The following HIVEP3 variants were observed in gnomAD, a reference collection of about 807,000 sequenced individuals.
HIVEP3 encodes the protein transcription factor HIVEP3.
HIVEP3 carries 49 observed loss-of-function variants against 152.8 expected under a neutral mutation model. That is an observed-to-expected ratio of 0.32 (90% CI 0.26 to 0.41). The LOEUF is 0.41. Ranked by LOEUF, HIVEP3 falls within the 10% of genes least tolerant of loss-of-function variation. HIVEP3 has a pLI of 1.00. For missense variants in HIVEP3, 2,790 were observed against 3,103.3 expected (o/e 0.90, Z 2.40); for synonymous variants, 1,269 against 1,289.0 (o/e 0.98, Z 0.33).
chr1:41,987,140 T>C (rs1156555921), intron 1 of HIVEP3, among the ~76,000 whole-genome samples: 1 of 152,182 alleles, frequency 6.6e-6, no homozygotes, highest in African/African-American at 2.4e-5. Context: ...TGAAACAATG[T>C]TTCTGCCCTC....
chr1:42,025,849 C>T (rs936625605), intron 1 of HIVEP3, among the ~76,000 whole-genome samples: 1 of 152,152 alleles, frequency 6.6e-6, no homozygotes, highest in South Asian at 2.1e-4. Context: ...CAGAACAGAT[C>T]GCTTGAACCC....
At chr1:41,586,499 C>A (rs898426799) in intron 3 of HIVEP3, among the ~76,000 whole-genome samples, 3 of 146,100 alleles carry the variant, frequency 2.1e-5, no homozygotes, top group African/African-American at 7.3e-5. Context: ...CTTGGCGAGG[C>A]CCTGGGTGAG....
At position 41,742,559 on chromosome 1, in the gene HIVEP3, A is replaced by G. The variant is rs1434030730; in HGVS notation, c.-800-41564T>C. On this transcript the variant is annotated intron_variant, in intron 1 of 8. Coordinates refer to ENST00000372583, the MANE Select transcript of HIVEP3 (RefSeq NM_024503.5). ...CTCGTGAATACTTATTCCTTGATGAACAGGGTATTCCCCATAAGAGCAGAG... is the reference window on the plus strand; with the variant it reads ...CTCGTGAATACTTATTCCTTGATGAGCAGGGTATTCCCCATAAGAGCAGAG... 4.6e-5 allele frequency among the ~76,000 whole-genome samples: 7 copies of G among 152,374 alleles called. No homozygotes were observed. In the East Asian group the frequency reaches 1.2e-3, roughly 25 times the overall value.
At chr1:41,709,523 T>C (rs768287334) in intron 1 of HIVEP3, among the ~76,000 whole-genome samples, 1 of 152,126 alleles carries the variant, frequency 6.6e-6, no homozygotes, top group East Asian at 1.9e-4. Flanking sequence ...AAAGGCAGTG[T>C]CATTTCCTGA....
chr1:41,529,934 C>T (rs1643193572), intron 5 of HIVEP3, among the ~76,000 whole-genome samples: 1 of 110,292 alleles, frequency 9.1e-6, no homozygotes, highest in Non-Finnish European at 1.9e-5. Context: ...ACCACACGGA[C>T]ATGCACCCCC....
At position 41,581,292 on chromosome 1, in the gene HIVEP3, G is replaced by A. The variant is rs752298905; in HGVS notation, c.3506C>T (p.Ser1169Phe). The change falls in exon 4 of 9, where the codon TCC becomes TTC. Residue 1169 changes from serine to phenylalanine, a missense_variant. By Grantham distance (155) the Ser-to-Phe change is radical (BLOSUM62 -2). This residue lies in a region of HIVEP3 where 1,078 missense variants were observed against 1,165.3 expected (regional missense o/e 0.93). Transcript: ENST00000372583. This position sits in a 1 kb window ranked among gnomAD's most constrained non-coding sequence, Gnocchi z 4.5. The part of the protein sequence containing the change: ...SPEFFSTQAM[S>F]SLLSSPYSMP... ...GGAGTATGGTGAGGACAGGAGGCTGGACATGGCCTGGGTGGAGAAGAATTC... is the reference window on the plus strand; with the variant it reads ...GGAGTATGGTGAGGACAGGAGGCTGAACATGGCCTGGGTGGAGAAGAATTC... 3.0e-5 allele frequency: 49 copies of A among 1,611,794 alleles called. No homozygotes were observed. Among genetic ancestry groups the A allele is most frequent in the Non-Finnish European group, 5.9e-6 (7 of 1,179,018 alleles).
intron 1 of HIVEP3, among the ~76,000 whole-genome samples, chr1:41,926,892 T>A (rs564850922): frequency 6.6e-6 from 1 of 152,132 alleles, no homozygotes. Context: ...CATATGTATA[T>A]CTTTAAGGCT....
chr1:41,576,296 T>C (rs1276909887), intron 4 of HIVEP3, among the ~76,000 whole-genome samples: 3 of 152,166 alleles, frequency 2.0e-5, no homozygotes, highest in African/African-American at 4.8e-5. Flanking sequence ...AATTCCACCA[T>C]AGAGACAGGC....
intron 2 of HIVEP3, among the ~76,000 whole-genome samples, chr1:41,659,645 C>T (rs1441990562): frequency 6.6e-6 from 1 of 152,234 alleles, no homozygotes; most frequent in Non-Finnish European, 1.5e-5. Flanking sequence ...TCCTTGCCCT[C>T]ACAGTGCTTT....
rs1236549034 is a variant in HIVEP3, at chr1:41,662,287, C to A, written c.-720-33340G>T. On this transcript the variant is annotated intron_variant, in intron 2 of 8. Coordinates refer to ENST00000372583, the MANE Select transcript of HIVEP3 (RefSeq NM_024503.5). The surrounding 1 kb of genome is among the most constrained non-coding windows in gnomAD (Gnocchi z 7.2). The stretch of plus-strand genomic sequence containing the variant: ...TCCGCCCGGCGGTGCCCCAGGCGCT[C>A]GCTGGCGGCCCACGCGGCGCGGGGT... The A allele has an allele frequency of 2.1e-5, 3 of 145,256 alleles. No homozygotes were observed. Among genetic ancestry groups the A allele is most frequent in the African/African-American group, 7.4e-5 (3 of 40,750 alleles). 9.0% of individuals were successfully genotyped at this position (145,256 alleles called of 1,614,324 possible).
At chr1:41,730,933 C>A (rs1054954516) in intron 1 of HIVEP3, among the ~76,000 whole-genome samples, 37 of 152,078 alleles carry the variant, frequency 2.4e-4, no homozygotes, top group African/African-American at 6.5e-4. Context: ...GGAGCAAGGA[C>A]GCAACTCCCA....
intron 5 of HIVEP3, chr1:41,542,001 G>A (rs1643541511): frequency 6.6e-6 from 1 of 152,238 alleles, no homozygotes; most frequent in Non-Finnish European, 1.5e-5. Context: ...TTATGTGCTT[G>A]GAAGAGTGCC....
In HIVEP3 at chr1:41,511,384, G is replaced by A. The variant is rs80308195; in HGVS notation, c.6406-118C>T. The A allele has an allele frequency of 8.0e-4, 768 of 958,858 alleles. 8 individuals carry two copies. The African/African-American group carries it at 9.4e-3, about 12-fold the overall frequency. The allele number at this position is 958,858 out of a possible 1,614,324, so 59.4% of individuals were successfully genotyped here. ...GATCACAGAGCGAGTCCAGGGTCCC[G>A]GCTGAGCTGAGCCCAGAACCAAGTT... On this transcript the variant is annotated intron_variant, in intron 8 of 8. Coordinates refer to ENST00000372583, the MANE Select transcript of HIVEP3 (RefSeq NM_024503.5). The surrounding 1 kb of genome is among the most constrained non-coding windows in gnomAD (Gnocchi z 4.9).
chr1:41,522,315 C>T (rs1642780383), intron 6 of HIVEP3, among the ~76,000 whole-genome samples: 1 of 152,234 alleles, frequency 6.6e-6, no homozygotes, highest in East Asian at 1.9e-4. Context: ...GGGAGACTTC[C>T]CTGCTTCCAT....
At chr1:41,597,802 A>G (rs982404567) in intron 3 of HIVEP3, among the ~76,000 whole-genome samples, 2 of 152,202 alleles carry the variant, frequency 1.3e-5, no homozygotes, top group Non-Finnish European at 2.9e-5. Context: ...CTGGAAAAGT[A>G]TCGACAGTGT....
intron 1 of HIVEP3, among the ~76,000 whole-genome samples, chr1:41,867,358 G>C (rs1310731734): frequency 2.0e-5 from 3 of 152,162 alleles, no homozygotes; most frequent in African/African-American, 7.2e-5. Flanking sequence ...CTTTAGAAAT[G>C]TAAGAATCAT....
chr1:41,562,586 C>G (rs939508034), intron 5 of HIVEP3, among the ~76,000 whole-genome samples: 6 of 98,128 alleles, frequency 6.1e-5, no homozygotes, highest in African/African-American at 2.0e-4. Flanking sequence ...TTCCTTCCTT[C>G]CTTCCTTCCT....
At chr1:41,944,564 C>G (rs1645064699) in intron 1 of HIVEP3, among the ~76,000 whole-genome samples, 2 of 152,188 alleles carry the variant, frequency 1.3e-5, no homozygotes, top group Admixed American at 1.3e-4. Flanking sequence ...CCCAGCCCAG[C>G]TCTAGGACTC....
chr1:41,767,004 G>C (rs183251609), intron 1 of HIVEP3, among the ~76,000 whole-genome samples: 2 of 152,276 alleles, frequency 1.3e-5, no homozygotes, highest in African/African-American at 4.8e-5. Flanking sequence ...CTACAGCTTT[G>C]GCAGCTGGCT....
Sources: gnomAD v4.1 joint callset for allele counts (sites outside exome capture counted in the v4.1 genomes callset) on GRCh38, gnomAD v4.1.1 for gene constraint, gnomAD v4.1.1 regional missense constraint, Gnocchi (gnomAD v3.1) non-coding constraint, MANE v1.5 for transcripts, NCBI Gene and HGNC (gene_info 2026-07-23, HGNC 2026-07-21) for gene names.